Variants in MYO16 observed in about 807,000 individuals in gnomAD.
The protein encoded by MYO16 is unconventional myosin-XVI.
A neutral mutation model predicts 205.3 loss-of-function variants in MYO16; 94 were observed. The observed-to-expected ratio is 0.46, with a 90% CI of 0.39 to 0.54. The LOEUF (loss-of-function observed/expected upper bound fraction) is 0.54, where lower values mean the gene tolerates loss of function less well. Ranked by LOEUF, MYO16 falls within the 20% of genes least tolerant of loss-of-function variation. The pLI is 0.00. For missense variants in MYO16, 2,315 were observed against 2,387.5 expected (o/e 0.97, Z 0.63); for synonymous variants, 988 against 954.0 (o/e 1.04, Z -0.66).
chr13:108,897,559 A>G (rs1566398640), intron 14 of MYO16, among the ~76,000 whole-genome samples: 1 of 152,206 alleles, frequency 6.6e-6, no homozygotes, highest in Non-Finnish European at 1.5e-5. Context: ...GAAAGTAAAT[A>G]AGGATTCAAA....
At chr13:108,962,393 CTTTATG>C (rs745832764) in intron 18 of MYO16, 25 bp from the exon 19 acceptor site, 26 of 1,565,532 alleles carry the variant, frequency 1.7e-5, no homozygotes, top group Non-Finnish European at 2.3e-5. Context: ...AATATACTAA[CTTTATG>C]TTTATAATGC....
intron 1 of MYO16, among the ~76,000 whole-genome samples, chr13:108,655,911 A>G (rs994450858): frequency 3.3e-5 from 5 of 152,126 alleles, no homozygotes; most frequent in African/African-American, 9.7e-5. Context: ...CTGTACTAGC[A>G]TTGTATCTAG....
chr13:108,816,753 G>A (rs769816576), intron 7 of MYO16, among the ~76,000 whole-genome samples: 1 of 152,186 alleles, frequency 6.6e-6, no homozygotes, highest in Non-Finnish European at 1.5e-5. Flanking sequence ...TGTCCGCTGA[G>A]CCAGTGTACA....
intron 6 of MYO16, among the ~76,000 whole-genome samples, chr13:108,802,848 C>T (rs1887006099): frequency 6.6e-6 from 1 of 152,044 alleles, no homozygotes; most frequent in Non-Finnish European, 1.5e-5. Context: ...TTTCTTGAGC[C>T]CATTAGCCAA....
At chr13:109,036,201 A>G (rs928131277) in intron 23 of MYO16, among the ~76,000 whole-genome samples, 1 of 152,182 alleles carries the variant, frequency 6.6e-6, no homozygotes, top group Admixed American at 6.5e-5. Flanking sequence ...AGTTCAGGGA[A>G]TTAAAATCCA....
At chr13:108,753,226 C>T (rs1315693334) in intron 4 of MYO16, among the ~76,000 whole-genome samples, 2 of 151,528 alleles carry the variant, frequency 1.3e-5, no homozygotes, top group African/African-American at 2.4e-5. Flanking sequence ...AAAAATTAGC[C>T]GGGTGTGTTG....
intron 13 of MYO16, chr13:108,886,545 T>A (rs1343902797): frequency 4.4e-6 from 2 of 454,856 alleles, no homozygotes; most frequent in Non-Finnish European, 8.8e-6. Context: ...TGCCCCCTTC[T>A]CAGTTGAATA....
intron 1 of MYO16, chr13:108,659,268 C>A (rs1378943491): frequency 1.2e-5 from 2 of 171,340 alleles, no homozygotes; most frequent in Non-Finnish European, 1.1e-5. Flanking sequence ...ATATATATAT[C>A]ATATATATGA....
intron 10 of MYO16, among the ~76,000 whole-genome samples, chr13:108,848,955 T>C (rs1877669237): frequency 6.6e-6 from 1 of 151,846 alleles, no homozygotes; most frequent in Non-Finnish European, 1.5e-5. Flanking sequence ...CACAAGCACA[T>C]GTGTGCACGA....
intron 32 of MYO16, among the ~76,000 whole-genome samples, chr13:109,145,655 T>G (rs556263254): frequency 1.3e-5 from 2 of 152,384 alleles, no homozygotes; most frequent in East Asian, 3.8e-4. Context: ...AATATTATTA[T>G]GCTAATTATT....
At chr13:108,968,101 C>A (rs1883865555) in intron 20 of MYO16, among the ~76,000 whole-genome samples, 1 of 152,230 alleles carries the variant, frequency 6.6e-6, no homozygotes, top group Admixed American at 6.5e-5. Context: ...GCTCCATCCA[C>A]TCCACCTTGG....
chr13:108,731,620 C>A (rs530162591), intron 4 of MYO16, among the ~76,000 whole-genome samples: 4 of 152,282 alleles, frequency 2.6e-5, no homozygotes, highest in African/African-American at 9.6e-5. Context: ...CATGGCTCAG[C>A]AATGTCCTGT....
intron 4 of MYO16, among the ~76,000 whole-genome samples, chr13:108,748,957 A>G (rs1390943736): frequency 6.6e-6 from 1 of 152,166 alleles, no homozygotes; most frequent in Middle Eastern, 3.2e-3. Flanking sequence ...ATTGTAGCCC[A>G]TGAATGAAAA....
At position 109,009,023 on chromosome 13, in the gene MYO16, A is replaced by T. The variant is rs768672550; in HGVS notation, c.2569A>T (p.Asn857Tyr). ...METAYSPGNQNGVLDFFFQKP... is the reference protein window; with the variant it reads ...METAYSPGNQYGVLDFFFQKP... The stretch of plus-strand genomic sequence containing the variant: ...AACAGCATATTCTCCTGGTAACCAG[A>T]ATGGAGTTTTGGACTTTTTTTTCCA... The change falls in exon 22 of 35, where the codon AAT becomes TAT. Residue 857 changes from asparagine to tyrosine, a missense_variant. Transcript: ENST00000457511. The T allele has an allele frequency of 1.3e-6, 2 of 1,598,270 alleles. No individual in the cohort carries two copies. Among genetic ancestry groups the T allele is most frequent in the South Asian group, 2.3e-5 (2 of 86,800 alleles).
intron 16 of MYO16, among the ~76,000 whole-genome samples, chr13:108,935,818 G>GA (rs1243131917): frequency 8.7e-5 from 13 of 148,976 alleles, no homozygotes; most frequent in South Asian, 2.1e-4. Context: ...GTTTCTTGAG[G>GA]GTTTTTTTTT....
chr13:109,019,699 C>T lies in MYO16; in HGVS notation c.2596-12C>T, dbSNP rs1469468892. On this transcript the variant is annotated splice_polypyrimidine_tract_variant and intron_variant, in intron 22 of 34. Coordinates refer to ENST00000457511, the MANE Select transcript of MYO16 (RefSeq NM_001198950.3). The stretch of plus-strand genomic sequence containing the variant: ...TAGACAAAACAACTCCCCATCTCTT[C>T]TTAACTCTCAGAAGCCATCTGGATT... 1.9e-6 allele frequency: 3 copies of T among 1,607,682 alleles called. No individual in the cohort carries two copies. The highest frequency in any genetic ancestry group is 2.6e-6 in the Non-Finnish European group (3 of 1,174,822).
chr13:108,941,170 G>T (rs1882705383), intron 16 of MYO16, among the ~76,000 whole-genome samples: 1 of 152,132 alleles, frequency 6.6e-6, no homozygotes, highest in Non-Finnish European at 1.5e-5. Context: ...GGGAGAAGCT[G>T]CTCTGGGCAA....
intron 28 of MYO16, among the ~76,000 whole-genome samples, chr13:109,103,446 A>G (rs1308546843): frequency 6.6e-6 from 1 of 152,328 alleles, no homozygotes; most frequent in East Asian, 1.9e-4. Flanking sequence ...TTAGCATGAA[A>G]TGAATGGTTA....
intron 27 of MYO16, among the ~76,000 whole-genome samples, chr13:109,085,462 G>A (rs542515451): frequency 6.6e-6 from 1 of 152,324 alleles, no homozygotes; most frequent in African/African-American, 2.4e-5. Context: ...GGCGGACCCA[G>A]TGGAATGGGA....
Sources: allele counts gnomAD v4.1 joint callset (sites outside exome capture counted in the v4.1 genomes callset), GRCh38; gene constraint gnomAD v4.1.1; transcripts MANE v1.5; gene names NCBI Gene and HGNC (gene_info 2026-07-23, HGNC 2026-07-21).